SLC9C1: variants seen among roughly 807,000 people sequenced by gnomAD.
SLC9C1 encodes the protein solute carrier family 9 member C1, also known as sodium/hydrogen exchanger 10.
Under a neutral mutation model 140.9 loss-of-function variants are expected in SLC9C1, and 97 were observed. The ratio of observed to expected loss-of-function variants is 0.69; its 90% confidence interval spans 0.58 to 0.82. The LOEUF (loss-of-function observed/expected upper bound fraction) is 0.82, where lower values mean the gene tolerates loss of function less well. Ranked by LOEUF, SLC9C1 falls within the 40% of genes least tolerant of loss-of-function variation. The pLI is 0.00. For missense variants in SLC9C1, 1,340 were observed against 1,389.3 expected (o/e 0.96, Z 0.56); for synonymous variants, 440 against 442.6 (o/e 0.99, Z 0.07).
Position 112,208,346 on chromosome 3 carries a change from T to A in SLC9C1, c.1818A>T (p.Thr606=), listed in dbSNP as rs375045544. 1 of 1,576,834 alleles carries A rather than the reference T, an allele frequency of 6.3e-7. No individual in the cohort carries two copies. Among genetic ancestry groups the A allele is most frequent in the South Asian group, 1.2e-5 (1 of 85,634 alleles). ...GTTCAAATTCCTCAGTAAATACTAT[T>A]GTATGGCATATACGAAAAAAGAAGT... ...SKYFFFRICH[T]IVFTEEFEHV... The change falls in exon 16 of 29, where the codon ACA becomes ACT. Residue 606 remains threonine (T), a synonymous_variant. Transcript: ENST00000305815.
chr3:112,154,232 C>A (rs749136393), intron 27 of SLC9C1, among the ~76,000 whole-genome samples: 37 of 152,122 alleles, frequency 2.4e-4, no homozygotes, highest in Non-Finnish European at 4.7e-4. Context: ...GTATTATAAT[C>A]AGCATCTTCT....
rs781698549 is a variant in SLC9C1, at chr3:112,231,423, C to G, written c.1510G>C (p.Asp504His). 90 of 1,613,222 alleles carry G rather than the reference C, an allele frequency of 5.6e-5. No individual in the cohort carries two copies. The highest frequency in any genetic ancestry group is 7.2e-5 in the Non-Finnish European group (85 of 1,179,664). ...ATTGCTTCAGTGTTAAAGATCTCAT[C>G]TATTTCCTTGTTACAGTGTGGACAT... is the stretch of plus-strand genomic sequence containing the variant. ...VKCPHCNKEI[D>H]EIFNTEAMEL... Residue 504 changes from aspartate (D) to histidine (H), a missense_variant, in exon 13 of 29, where the codon GAT (aspartate) becomes CAT (histidine). Asp to His is a moderately conservative substitution (Grantham distance 81, BLOSUM62 -1). Transcript: ENST00000305815.
chr3:112,154,862 G>A, intron 27 of SLC9C1, 135 bp downstream of exon 27: 1 of 774,250 alleles, frequency 1.3e-6, no homozygotes, highest in Non-Finnish European at 2.1e-6. Context: ...TAAAATAAGT[G>A]TTTTACACCA....
chr3:112,148,992 A>T (rs2074881988), intron 28 of SLC9C1, among the ~76,000 whole-genome samples: 1 of 151,974 alleles, frequency 6.6e-6, no homozygotes, highest in South Asian at 2.1e-4. Context: ...GATGCCTGAG[A>T]TCTGCTTGTG....
At chr3:112,252,908 G>A (rs1430975294) in intron 10 of SLC9C1, among the ~76,000 whole-genome samples, 1 of 152,070 alleles carries the variant, frequency 6.6e-6, no homozygotes, top group African/African-American at 2.4e-5. Flanking sequence ...CTGGCAAAAT[G>A]TCTGTACCTC....
At chr3:112,217,278 ACACCAACGTGT>A (rs2108106266) in intron 15 of SLC9C1, among the ~76,000 whole-genome samples, 153 bp downstream of exon 15, 1 of 152,324 alleles carries the variant, frequency 6.6e-6, no homozygotes, top group East Asian at 1.9e-4. Context: ...TGAATGAAGC[ACACCAACGTGT>A]CACATGTATG....
At chr3:112,190,502 T>A (rs954615977) in intron 20 of SLC9C1, among the ~76,000 whole-genome samples, 1 of 152,216 alleles carries the variant, frequency 6.6e-6, no homozygotes, top group African/African-American at 2.4e-5. Context: ...TACATTTTAG[T>A]CTACCATATT....
chr3:112,248,933 C>G (rs1262268241), intron 10 of SLC9C1, among the ~76,000 whole-genome samples: 1 of 151,978 alleles, frequency 6.6e-6, no homozygotes, highest in Non-Finnish European at 1.5e-5. Flanking sequence ...ATTTAGGTGC[C>G]TTTTATTTCT....
chr3:112,176,457 C>T (rs2077338474), intron 23 of SLC9C1, among the ~76,000 whole-genome samples: 1 of 152,212 alleles, frequency 6.6e-6, no homozygotes, highest in African/African-American at 2.4e-5. Context: ...CCACCTCTCT[C>T]CAGAATCGAT....
Position 112,208,281 on chromosome 3 carries a change from A to C in SLC9C1, c.1883T>G (p.Phe628Cys), listed in dbSNP as rs148449258. The C allele has an allele frequency of 2.9e-5, 47 of 1,610,892 alleles. No homozygotes were observed. In the African/African-American group the frequency reaches 5.6e-4, roughly 19 times the overall value. ...TAACTGGGATATCCAAGAGATTATA[A>C]AGGGAAATATATTCATTAATATCAC... ...YLVILMNIFP[F>C]IISWISQLNV... Residue 628 changes from phenylalanine (F) to cysteine (C), a missense_variant, in exon 16 of 29, where the codon TTT (phenylalanine) becomes TGT (cysteine). Coordinates refer to ENST00000305815, the MANE Select transcript of SLC9C1 (RefSeq NM_183061.3).
At chr3:112,169,747 G>T (rs1395020459) in intron 23 of SLC9C1, among the ~76,000 whole-genome samples, 1 of 152,056 alleles carries the variant, frequency 6.6e-6, no homozygotes, top group Non-Finnish European at 1.5e-5. Flanking sequence ...TTTTAGGATA[G>T]TTTTTTCCAA....
At chr3:112,183,245 G>T (rs1383998228) in intron 20 of SLC9C1, among the ~76,000 whole-genome samples, 1 of 150,244 alleles carries the variant, frequency 6.7e-6, no homozygotes, top group Non-Finnish European at 1.5e-5. Flanking sequence ...TCTACACTTG[G>T]TATTGTCAAT....
chr3:112,154,857 T>A, intron 27 of SLC9C1, 140 bp downstream of exon 27: 1 of 715,654 alleles, frequency 1.4e-6, no homozygotes. Flanking sequence ...AGTGCTAAAA[T>A]AAGTGTTTTA....
chr3:112,277,845 T>C lies in SLC9C1; in HGVS notation c.334A>G (p.Ile112Val). 1 of 1,596,228 alleles carries C rather than the reference T, an allele frequency of 6.3e-7. No homozygotes were observed. The highest frequency in any genetic ancestry group is 1.4e-5 in the African/African-American group (1 of 73,742). Residue 112 changes from isoleucine to valine, a missense_variant, in exon 5 of 29, where the codon ATT becomes GTT. Ile to Val is a conservative substitution (Grantham distance 29). Coordinates refer to ENST00000305815, the MANE Select transcript of SLC9C1 (RefSeq NM_183061.3). ...ATATAATTAACCAAAAAGCCGGGAA[T>C]TGAAATTAAAAGTATCTGCAAAGAA... The part of the protein sequence containing the change: ...KLFWQILLIS[I>V]PGFLVNYILV...
intron 7 of SLC9C1, among the ~76,000 whole-genome samples, chr3:112,268,159 C>T (rs1250759309): frequency 6.6e-6 from 1 of 152,078 alleles, no homozygotes; most frequent in East Asian, 1.9e-4. Flanking sequence ...GTTGGATTTT[C>T]TTTTAGGAAT....
At chr3:112,264,369 ATATT>A (rs780449736) in intron 8 of SLC9C1, 26 bp from the exon 9 acceptor site, 19 of 1,270,294 alleles carry the variant, frequency 1.5e-5, no homozygotes, top group Non-Finnish European at 1.9e-5. Context: ...AAAATTAAAA[ATATT>A]TATAATTAAT....
At chr3:112,244,491 A>G (rs2079225737) in intron 10 of SLC9C1, among the ~76,000 whole-genome samples, 1 of 152,238 alleles carries the variant, frequency 6.6e-6, no homozygotes, top group Admixed American at 6.5e-5. Context: ...GCATATCTGC[A>G]TCAAACAATT....
At chr3:112,233,282 G>A (rs566134690) in intron 12 of SLC9C1, among the ~76,000 whole-genome samples, 5 of 151,896 alleles carry the variant, frequency 3.3e-5, no homozygotes, top group South Asian at 4.2e-4. Context: ...TGCCAGGTTC[G>A]TCTCAAACTG....
rs573094092 is a variant in SLC9C1, at chr3:112,196,321, T to A, written c.2523+3000A>T. On this transcript the variant is annotated intron_variant, in intron 20 of 28. Coordinates refer to ENST00000305815, the MANE Select transcript of SLC9C1 (RefSeq NM_183061.3). ...GCTTCTCTCTTGTTGTCTTAAAACT[T>A]CTTTTTGTCTTTTAACAGTTTGATT... 3.0e-4 allele frequency among the ~76,000 whole-genome samples: 45 copies of A among 152,264 alleles called. No individual in the cohort carries two copies. The East Asian group carries it at 8.7e-3, about 29-fold the overall frequency.
Sources: allele counts gnomAD v4.1 joint callset (sites outside exome capture counted in the v4.1 genomes callset), GRCh38; gene constraint gnomAD v4.1.1; transcripts MANE v1.5; gene names NCBI Gene and HGNC (gene_info 2026-07-23, HGNC 2026-07-21).